NCOA7: variants seen among roughly 807,000 people sequenced by gnomAD.
NCOA7 encodes the protein 140 kDa estrogen receptor-associated protein.
NCOA7 carries 45 observed loss-of-function variants against 104.3 expected under a neutral mutation model. The ratio of observed to expected loss-of-function variants is 0.43; its 90% CI spans 0.34 to 0.55. NCOA7 has a LOEUF of 0.55. NCOA7 is among the 20% of genes least tolerant of loss of function. The pLI is 0.02. For missense variants in NCOA7, 1,041 were observed against 1,119.7 expected, an observed-to-expected ratio of 0.93 and a Z score of 1.00; for synonymous variants, 398 against 402.3, an observed-to-expected ratio of 0.99 and a Z score of 0.13.
chr6:125,866,251 C>T (rs1395274003), intron 3 of NCOA7, among the ~76,000 whole-genome samples: 1 of 151,966 alleles, frequency 6.6e-6, no homozygotes, highest in Non-Finnish European at 1.5e-5. Context: ...ATCGCTTGAA[C>T]CCGTGAGGTG....
chr6:125,796,986 GCTTA>G (rs1378803003), intron 1 of NCOA7, among the ~76,000 whole-genome samples: 1 of 152,132 alleles, frequency 6.6e-6, no homozygotes, highest in African/African-American at 2.4e-5. Flanking sequence ...AGCAGCCCTT[GCTTA>G]CTTTACTAAT....
At chr6:125,862,125 T>A (rs1782117922) in intron 3 of NCOA7, among the ~76,000 whole-genome samples, 1 of 133,562 alleles carries the variant, frequency 7.5e-6, no homozygotes. Context: ...TCAAAGGTGT[T>A]CTTGGTGAAG....
intron 1 of NCOA7, among the ~76,000 whole-genome samples, chr6:125,797,092 G>C (rs867392258): frequency 1.3e-5 from 2 of 152,094 alleles, no homozygotes; most frequent in African/African-American, 4.8e-5. Flanking sequence ...TCCCACTCTA[G>C]TTTTCTTCTG....
intron 3 of NCOA7, among the ~76,000 whole-genome samples, chr6:125,860,675 T>C (rs1286567956): frequency 2.0e-5 from 3 of 152,188 alleles, no homozygotes; most frequent in Non-Finnish European, 4.4e-5. Context: ...AAGGAATTCA[T>C]TATTTCTTAA....
chr6:125,876,417 A>G (rs1268350717), intron 4 of NCOA7, among the ~76,000 whole-genome samples: 2 of 152,302 alleles, frequency 1.3e-5, no homozygotes, highest in East Asian at 1.9e-4. Flanking sequence ...CCTTACCTCA[A>G]AATAGGCACT....
chr6:125,879,985 C>T (rs996172267), intron 5 of NCOA7, among the ~76,000 whole-genome samples: 15 of 152,048 alleles, frequency 9.9e-5, no homozygotes, highest in Admixed American at 2.6e-4. Context: ...GCCTGGGTGA[C>T]AAGAGTGAAA....
chr6:125,892,604 G>A (rs538051467), intron 10 of NCOA7, among the ~76,000 whole-genome samples: 136 of 152,228 alleles, frequency 8.9e-4, no homozygotes, highest in African/African-American at 3.0e-3. Context: ...AACCTGGGAG[G>A]CAGAGATTGC....
intron 1 of NCOA7, among the ~76,000 whole-genome samples, chr6:125,800,751 G>C (rs866450751): frequency 6.6e-6 from 1 of 152,232 alleles, no homozygotes; most frequent in South Asian, 2.1e-4. Flanking sequence ...AAGGGGCCAG[G>C]TGTGGTGGCT....
At chr6:125,790,562 C>T (rs372081869), upstream of NCOA7, among the ~76,000 whole-genome samples, 1 of 152,078 alleles carries the variant, frequency 6.6e-6, no homozygotes, top group Admixed American at 6.6e-5. Flanking sequence ...AGCCTCCCAG[C>T]TCGGAGGTCG....
At chr6:125,888,583 T>C (rs1355840618) in intron 8 of NCOA7, among the ~76,000 whole-genome samples, 1 of 152,218 alleles carries the variant, frequency 6.6e-6, no homozygotes, top group East Asian at 1.9e-4. Flanking sequence ...TTTCCTCTCC[T>C]TTATCCTTTC....
chr6:125,807,970 G>T (rs1776612064), intron 1 of NCOA7, among the ~76,000 whole-genome samples: 1 of 152,130 alleles, frequency 6.6e-6, no homozygotes, highest in Middle Eastern at 3.2e-3. Flanking sequence ...AAGCAGACAA[G>T]AGAAATCTAT....
At position 125,853,819 on chromosome 6, in the gene NCOA7, A is replaced by G. The variant is rs556497677; in HGVS notation, c.51-1201A>G. 2.6e-5 allele frequency among the ~76,000 whole-genome samples: 4 copies of G among 152,348 alleles called. No homozygotes were observed. The East Asian group carries it at 5.8e-4, about 22-fold the overall frequency. ...AAGTACAGTTATCACCATTTAAGAT[A>G]TAAGAAAACTAAGGTTCAAGGCGTG... On this transcript the variant is annotated intron_variant, in intron 2 of 15. Transcript: ENST00000392477.
intron 5 of NCOA7, among the ~76,000 whole-genome samples, chr6:125,880,172 C>T (rs897324916): frequency 6.6e-6 from 1 of 152,058 alleles, no homozygotes; most frequent in African/African-American, 2.4e-5. Context: ...TTACACATAA[C>T]CCAGACACTG....
At position 125,842,832 on chromosome 6, in the gene NCOA7, A is replaced by C. The variant is rs953393507; in HGVS notation, c.51-12188A>C. On this transcript the variant is annotated intron_variant, in intron 2 of 15. Coordinates refer to ENST00000392477, the MANE Select transcript of NCOA7 (RefSeq NM_181782.5). ...ATATTCTAATTGCAGATTTCAGGGT[A>C]GTCTTGAATAAACCTTTTGCTTTTG... 2.0e-5 allele frequency among the ~76,000 whole-genome samples: 3 copies of C among 152,242 alleles called. No individual in the cohort carries two copies. The East Asian group carries it at 5.8e-4, about 29-fold the overall frequency.
intron 10 of NCOA7, among the ~76,000 whole-genome samples, chr6:125,895,499 C>T (rs1046165452): frequency 6.6e-5 from 10 of 152,270 alleles, no homozygotes; most frequent in Admixed American, 2.0e-4. Flanking sequence ...TTTTTTCCCA[C>T]TTAATATCCT....
intron 10 of NCOA7, among the ~76,000 whole-genome samples, chr6:125,909,738 A>C (rs1230380344): frequency 6.6e-6 from 1 of 152,018 alleles, no homozygotes; most frequent in Non-Finnish European, 1.5e-5. Context: ...TGAACTCGGG[A>C]GGCAGAGGTT....
At chr6:125,813,449 ATTTTT>A (rs36073060) in intron 1 of NCOA7, among the ~76,000 whole-genome samples, 1 of 135,704 alleles carries the variant, frequency 7.4e-6, no homozygotes, top group African/African-American at 2.7e-5. Flanking sequence ...GGGAAATGCA[ATTTTT>A]TTTTTTTTTT....
chr6:125,857,763 T>A (rs1781701956), intron 3 of NCOA7, among the ~76,000 whole-genome samples: 1 of 152,010 alleles, frequency 6.6e-6, no homozygotes, highest in Non-Finnish European at 1.5e-5. Flanking sequence ...CACCTATTTT[T>A]TTAGTAGAGA....
chr6:125,788,698 A>ATTTTTTTTTTTTTTTTTTTTTTTTT (rs60048395), upstream of NCOA7, among the ~76,000 whole-genome samples: 2 of 121,916 alleles, frequency 1.6e-5, no homozygotes, highest in Non-Finnish European at 1.7e-5. Context: ...CACCCAGCTA[A>ATTTTTTTTTTTTTTTTTTTTTTTTT]TTTTTTTTTT....
Sources: gnomAD v4.1 joint callset for allele counts (sites outside exome capture counted in the v4.1 genomes callset) on GRCh38, gnomAD v4.1.1 for gene constraint, MANE v1.5 for transcripts, NCBI Gene and HGNC (gene_info 2026-07-23, HGNC 2026-07-21) for gene names.